The following FBXO21 variants were observed in gnomAD, a reference collection of about 807,000 sequenced individuals.
FBXO21 encodes F-box protein 21.
Under a neutral mutation model 76.6 loss-of-function variants are expected in FBXO21, and 32 were observed. That is an observed-to-expected ratio of 0.42 (90% CI 0.32 to 0.56). The LOEUF is 0.56. Ranked by LOEUF, FBXO21 falls within the 20% of genes least tolerant of loss-of-function variation. The pLI is 0.16. For synonymous variants in FBXO21, 328 were observed against 311.5 expected (o/e 1.05, Z -0.56); for missense variants, 586 against 797.3 (o/e 0.73, Z 3.19).
At position 117,156,121 on chromosome 12, in the gene FBXO21, C is replaced by T. The variant is rs1449308010; in HGVS notation, c.1518-173G>A. Among the ~76,000 whole-genome samples, 5 of 152,272 alleles carry T rather than the reference C, an allele frequency of 3.3e-5. No homozygotes were observed. The East Asian group carries it at 9.6e-4, about 29-fold the overall frequency. ...AACACCTCTTATTATCAACATAGCA[C>T]TTTATCTGGAAAAGAATAAACTTTT... On this transcript the variant is annotated intron_variant, in intron 10 of 11. Coordinates refer to ENST00000622495, the MANE Select transcript of FBXO21 (RefSeq NM_015002.3).
intron 9 of FBXO21, among the ~76,000 whole-genome samples, chr12:117,158,552 G>A (rs570756804): frequency 6.6e-6 from 1 of 152,306 alleles, no homozygotes; most frequent in Non-Finnish European, 1.5e-5. Flanking sequence ...TAATCGAGAC[G>A]AAGAGGATGT....
intron 9 of FBXO21, among the ~76,000 whole-genome samples, chr12:117,158,727 AT>A (rs1415250451): frequency 1.3e-5 from 2 of 152,154 alleles, no homozygotes; most frequent in Non-Finnish European, 2.9e-5. Flanking sequence ...TCATCATGGT[AT>A]TTGGTATTCA....
Position 117,148,838 on chromosome 12 carries a change from A to G in FBXO21, c.1676-2561T>C, listed in dbSNP as rs182536654. The stretch of plus-strand genomic sequence containing the variant: ...GCTCCAGCCCACATTAACACACAGG[A>G]GCCTGTGGTTTCAGGACCTCCCACT... On this transcript the variant is annotated intron_variant, in intron 11 of 11. Coordinates refer to ENST00000622495, the MANE Select transcript of FBXO21 (RefSeq NM_015002.3). 4.4e-3 allele frequency among the ~76,000 whole-genome samples: 672 copies of G among 152,292 alleles called. 4 individuals carry two copies. The highest frequency in any genetic ancestry group is 0.015 in the African/African-American group (629 of 41,568).
chr12:117,169,862 ATCT>A (rs996260924), intron 7 of FBXO21, among the ~76,000 whole-genome samples: 3 of 152,188 alleles, frequency 2.0e-5, no homozygotes, highest in Admixed American at 2.0e-4. Flanking sequence ...AGTCCCTGCT[ATCT>A]TTGTTTTTAT....
intron 7 of FBXO21, among the ~76,000 whole-genome samples, chr12:117,169,365 T>G (rs1383488462): frequency 6.6e-6 from 1 of 152,138 alleles, no homozygotes; most frequent in Admixed American, 6.5e-5. Flanking sequence ...CTATGGGCAC[T>G]AGGCTTAATA....
intron 11 of FBXO21, among the ~76,000 whole-genome samples, chr12:117,147,198 T>C (rs1955780831): frequency 1.4e-5 from 2 of 145,772 alleles, no homozygotes; most frequent in South Asian, 2.2e-4. Context: ...GCTGAGATTA[T>C]GCCATTGCAC....
chr12:117,181,589 A>G (rs555976107), intron 3 of FBXO21, among the ~76,000 whole-genome samples: 1 of 78,188 alleles, frequency 1.3e-5, no homozygotes, highest in East Asian at 4.5e-4. Flanking sequence ...CGATCTATCT[A>G]TCTGAGACAG....
In FBXO21 at chr12:117,184,099, T is replaced by C. The variant is rs532478355; in HGVS notation, c.470+2378A>G. 3.9e-5 allele frequency among the ~76,000 whole-genome samples: 6 copies of C among 152,100 alleles called. No homozygotes were observed. In the South Asian group the frequency reaches 8.3e-4, roughly 21 times the overall value. Reference sequence around the variant, plus strand: ...ATCTAGTGATGCCAGTTTCCCATTATGATTACTGAAAAATTGTTTTCTGGC... The same window carrying C: ...ATCTAGTGATGCCAGTTTCCCATTACGATTACTGAAAAATTGTTTTCTGGC... On this transcript the variant is annotated intron_variant, in intron 3 of 11. Transcript: ENST00000622495.
intron 11 of FBXO21, among the ~76,000 whole-genome samples, chr12:117,148,792 C>T (rs1955807409): frequency 6.6e-6 from 1 of 152,170 alleles, no homozygotes; most frequent in Admixed American, 6.5e-5. Flanking sequence ...ACTCAGAGAA[C>T]ACCGCTGCCC....
intron 11 of FBXO21, among the ~76,000 whole-genome samples, chr12:117,147,304 A>AAG (rs1252188861): frequency 2.5e-5 from 3 of 117,654 alleles, no homozygotes; most frequent in Admixed American, 1.1e-4. Flanking sequence ...AAAAAAAAAA[A>AAG]AAAGAAAAAA....
intron 3 of FBXO21, among the ~76,000 whole-genome samples, chr12:117,184,590 C>T (rs1956265140): frequency 6.6e-6 from 1 of 152,066 alleles, no homozygotes; most frequent in Non-Finnish European, 1.5e-5. Flanking sequence ...ACCGTTTCTA[C>T]TAAAAATACA....
At chr12:117,148,546 C>T (rs955014632) in intron 11 of FBXO21, among the ~76,000 whole-genome samples, 6 of 152,240 alleles carry the variant, frequency 3.9e-5, no homozygotes, top group East Asian at 1.9e-4. Flanking sequence ...TGCTCCATGA[C>T]GTGGCACAGT....
chr12:117,181,408 C>T (rs1956229538), intron 3 of FBXO21, among the ~76,000 whole-genome samples: 2 of 151,944 alleles, frequency 1.3e-5, no homozygotes, highest in African/African-American at 4.8e-5. Flanking sequence ...ATGACTTTAC[C>T]TTTTTTGCTT....
intron 11 of FBXO21, among the ~76,000 whole-genome samples, chr12:117,153,496 G>T (rs778863805): frequency 2.6e-5 from 4 of 152,238 alleles, no homozygotes; most frequent in Admixed American, 6.5e-5. Flanking sequence ...TTACAGAGGT[G>T]GGCACGGAGC....
At chr12:117,169,903 G>A in intron 7 of FBXO21, among the ~76,000 whole-genome samples, 1 of 151,992 alleles carries the variant, frequency 6.6e-6, no homozygotes, top group East Asian at 1.9e-4. Flanking sequence ...GATCTAACCA[G>A]CAGAGTAATG....
intron 9 of FBXO21, among the ~76,000 whole-genome samples, chr12:117,161,804 CT>C (rs1955980176): frequency 6.6e-6 from 1 of 152,186 alleles, no homozygotes; most frequent in Non-Finnish European, 1.5e-5. Flanking sequence ...AGAAACCATC[CT>C]TCAGCCTTGA....
At chr12:117,152,059 G>A (rs1955848960) in intron 11 of FBXO21, among the ~76,000 whole-genome samples, 1 of 150,992 alleles carries the variant, frequency 6.6e-6, no homozygotes, top group Admixed American at 6.7e-5. Context: ...GGGATGTGAA[G>A]TATCCTCCCC....
Position 117,143,466 on chromosome 12 carries a change from C to G in FBXO21, c.*2621G>C, listed in dbSNP as rs976342965. On this transcript the variant is annotated 3_prime_UTR_variant, in exon 12 of 12. Transcript: ENST00000622495. The stretch of plus-strand genomic sequence containing the variant: ...GCACAGCCATTCAAATCAACGGCAA[C>G]AGAACGCACGAAGAACCTGGTTTTC... The G allele has an allele frequency of 6.6e-6, 1 of 152,216 alleles. No individual in the cohort carries two copies. Among genetic ancestry groups the G allele is most frequent in the Non-Finnish European group, 1.5e-5 (1 of 68,038 alleles). 9.4% of individuals were successfully genotyped at this position (152,216 alleles called of 1,614,324 possible). A position where few individuals can be genotyped will look rare whatever the true frequency, so the allele number is the denominator to read the frequency against.
chr12:117,149,938 G>A (rs533624969), intron 11 of FBXO21, among the ~76,000 whole-genome samples: 2 of 152,286 alleles, frequency 1.3e-5, no homozygotes, highest in African/African-American at 4.8e-5. Flanking sequence ...AGGCAGGAAC[G>A]GTGGGAAACC....
Sources: gnomAD v4.1 joint callset for allele counts (sites outside exome capture counted in the v4.1 genomes callset) on GRCh38, gnomAD v4.1.1 for gene constraint, MANE v1.5 for transcripts, NCBI Gene and HGNC (gene_info 2026-07-23, HGNC 2026-07-21) for gene names.